NFIB: variants seen among roughly 807,000 people sequenced by gnomAD.
The protein encoded by NFIB is nuclear factor 1 B-type.
Under a neutral mutation model 61.5 loss-of-function variants are expected in NFIB, and 11 were observed. That is an observed-to-expected ratio of 0.18 (90% CI 0.11 to 0.30). The LOEUF is 0.30. Ranked by LOEUF, NFIB falls within the 10% of genes least tolerant of loss-of-function variation. NFIB has a pLI of 1.00. For synonymous variants in NFIB, 260 were observed against 216.5 expected (o/e 1.20, Z -1.76); for missense variants, 471 against 608.9 (o/e 0.77, Z 2.38).
chr9:14,181,301 G>A (rs2046745844), intron 2 of NFIB, among the ~76,000 whole-genome samples: 1 of 152,078 alleles, frequency 6.6e-6, no homozygotes, highest in Admixed American at 6.5e-5. Context: ...CATATTTAGT[G>A]ATTCCCACAT....
chr9:14,331,560 T>C (rs534728039), intron 1 of NFIB, among the ~76,000 whole-genome samples: 1 of 152,360 alleles, frequency 6.6e-6, no homozygotes, highest in African/African-American at 2.4e-5. Flanking sequence ...CTTATCAAGC[T>C]GGGTAAACCA....
rs1412289750 is a variant in NFIB at position 14,313,375 on chromosome 9, A to G, written c.30+107T>C. On this transcript the variant is annotated intron_variant, in intron 1 of 10. Coordinates refer to ENST00000380953, the MANE Select transcript of NFIB (RefSeq NM_001190737.2). This position sits in a 1 kb window ranked among gnomAD's most constrained non-coding sequence, Gnocchi z 4.5. ...CAACTCCGGGCCACTTCTCCAAGGG[A>G]CGGGGATGTGCGGAGGTTAACTCAA... 11 of 1,517,656 alleles carry G rather than the reference A, an allele frequency of 7.2e-6. No individual in the cohort carries two copies. The highest frequency in any genetic ancestry group is 2.3e-5 in the South Asian group (2 of 87,788). 94.0% of individuals were successfully genotyped at this position (1,517,656 alleles called of 1,614,324 possible). A position where few individuals can be genotyped will look rare whatever the true frequency, so the allele number is the denominator to read the frequency against.
chr9:14,322,853 GGCGTGACCGTCTCGGGGGCT>G (rs1163688823), intron 1 of NFIB, among the ~76,000 whole-genome samples: 1 of 151,988 alleles, frequency 6.6e-6, no homozygotes, highest in Non-Finnish European at 1.5e-5. Flanking sequence ...GAGCGGCGAG[GGCGTGACCGTCTCGGGGGCT>G]GCTGCCCAGG....
At chr9:14,250,301 G>A (rs2055447689) in intron 2 of NFIB, among the ~76,000 whole-genome samples, 1 of 152,074 alleles carries the variant, frequency 6.6e-6, no homozygotes, top group Non-Finnish European at 1.5e-5. Context: ...TTCTCTGATG[G>A]ACAATAATGT....
At chr9:14,516,743 T>G in the NFIB span, among the ~76,000 whole-genome samples, 1 of 152,222 alleles carries the variant, frequency 6.6e-6, no homozygotes. Flanking sequence ...ATTTTCAAGC[T>G]CTTGCCCTTA....
the NFIB span, among the ~76,000 whole-genome samples, chr9:14,457,572 G>A: frequency 8.9e-5 from 7 of 78,752 alleles, no homozygotes; most frequent in African/African-American, 2.2e-4. Context: ...ATGAATCCAG[G>A]AGCTGGTTTT....
rs2060339046 is a variant in NFIB at position 14,312,708 on chromosome 9, A to G, written c.30+774T>C. Among the ~76,000 whole-genome samples, 3 of 152,184 alleles carry G rather than the reference A, an allele frequency of 2.0e-5. 1 individual carries two copies. Among genetic ancestry groups the G allele is most frequent in the Admixed American group, 2.0e-4 (3 of 15,282 alleles). On this transcript the variant is annotated intron_variant, in intron 1 of 10. Transcript: ENST00000380953. The stretch of plus-strand genomic sequence containing the variant: ...GTCTTAGGACAATTCTCAAAGTCGA[A>G]AAAAATGACCTTACTTCTACCAGCA...
chr9:14,299,204 T>C (rs1186150589), intron 2 of NFIB, among the ~76,000 whole-genome samples: 1 of 152,214 alleles, frequency 6.6e-6, no homozygotes, highest in East Asian at 1.9e-4. Flanking sequence ...ATTAGATTTT[T>C]TGTCCCAAGC....
chr9:14,445,200 T>C, the NFIB span, among the ~76,000 whole-genome samples: 2 of 152,200 alleles, frequency 1.3e-5, no homozygotes, highest in African/African-American at 4.8e-5. Flanking sequence ...ACTCTTTTAT[T>C]AATTCTGATA....
the NFIB span, among the ~76,000 whole-genome samples, chr9:14,511,390 T>G: frequency 6.6e-6 from 1 of 152,092 alleles, no homozygotes; most frequent in Non-Finnish European, 1.5e-5. Flanking sequence ...CCTATCAAAT[T>G]TATGTTTATA....
chr9:14,091,655 T>G (rs148210454), intron 10 of NFIB, among the ~76,000 whole-genome samples: 183 of 152,208 alleles, frequency 1.2e-3, no homozygotes, highest in African/African-American at 4.3e-3. Context: ...GTGCATTTCC[T>G]TTGTTTTAAT....
intron 1 of NFIB, among the ~76,000 whole-genome samples, chr9:14,349,021 C>T (rs1261159353): frequency 6.6e-6 from 1 of 152,218 alleles, no homozygotes; most frequent in Admixed American, 6.5e-5. Context: ...ATTCGGAAAA[C>T]TCCACCGACG....
chr9:14,156,231 A>C (rs2043385898), intron 3 of NFIB, among the ~76,000 whole-genome samples: 1 of 152,152 alleles, frequency 6.6e-6, no homozygotes, highest in Non-Finnish European at 1.5e-5. Context: ...TGGTAGACTA[A>C]AGCGAAAAAT....
chr9:14,264,129 CAA>C (rs1433711888), intron 2 of NFIB, among the ~76,000 whole-genome samples: 1 of 150,602 alleles, frequency 6.6e-6, no homozygotes, highest in Admixed American at 6.6e-5. Flanking sequence ...CTCAGGGAAA[CAA>C]ATTTCCTAGT....
At chr9:14,375,463 C>G (rs1283327455) in intron 1 of NFIB, among the ~76,000 whole-genome samples, 1 of 152,146 alleles carries the variant, frequency 6.6e-6, no homozygotes, top group Admixed American at 6.6e-5. Flanking sequence ...CGAGACCAGC[C>G]TGACCAACAT....
chr9:14,477,737 T>C, the NFIB span, among the ~76,000 whole-genome samples: 2 of 152,232 alleles, frequency 1.3e-5, no homozygotes, highest in South Asian at 2.1e-4. Context: ...TCATAATCCA[T>C]ATAATGGAAA....
At chr9:14,179,338 A>G (rs1199465500) in intron 3 of NFIB, among the ~76,000 whole-genome samples, 2 of 152,130 alleles carry the variant, frequency 1.3e-5, no homozygotes, top group African/African-American at 2.4e-5. Context: ...ACCCCCTTCT[A>G]AAGTAATGAG....
At chr9:14,366,572 G>T (rs887777146) in intron 1 of NFIB, among the ~76,000 whole-genome samples, 2 of 151,662 alleles carry the variant, frequency 1.3e-5, no homozygotes, top group African/African-American at 4.8e-5. Flanking sequence ...TGCAACCTCC[G>T]CCTTCCAGGT....
At chr9:14,514,050 T>TA in the NFIB span, among the ~76,000 whole-genome samples, 1 of 152,216 alleles carries the variant, frequency 6.6e-6, no homozygotes, top group East Asian at 1.9e-4. Context: ...TTGCTAGCTT[T>TA]ATTACATGGC....
Sources: gnomAD v4.1 joint callset for allele counts (sites outside exome capture counted in the v4.1 genomes callset) on GRCh38, gnomAD v4.1.1 for gene constraint, Gnocchi (gnomAD v3.1) non-coding constraint, MANE v1.5 for transcripts, NCBI Gene and HGNC (gene_info 2026-07-23, HGNC 2026-07-21) for gene names.